Variants in ZNF407 observed in about 807,000 individuals in gnomAD.
ZNF407 encodes the protein zinc finger protein 407.
ZNF407 carries 17 observed loss-of-function variants against 131.2 expected under a neutral mutation model. That is an observed-to-expected ratio of 0.13 (90% CI 0.09 to 0.19). ZNF407 has a LOEUF of 0.19. ZNF407 is among the 10% of genes least tolerant of loss of function. The pLI, the probability that ZNF407 is intolerant of heterozygous loss-of-function variation, is 1.00. For synonymous variants in ZNF407, 1,156 were observed against 1,062.0 expected (o/e 1.09, Z -1.72); for missense variants, 2,681 against 2,830.6 (o/e 0.95, Z 1.20).
intron 3 of ZNF407, among the ~76,000 whole-genome samples, chr18:74,738,941 T>G (rs115304668): frequency 0.011 from 1,673 of 152,242 alleles, 27 homozygotes; most frequent in African/African-American, 0.036. Context: ...TATATGAAAT[T>G]TTATTAATGT....
At chr18:74,779,435 G>A (rs1969554189) in intron 3 of ZNF407, among the ~76,000 whole-genome samples, 1 of 151,842 alleles carries the variant, frequency 6.6e-6, no homozygotes, top group Non-Finnish European at 1.5e-5. Flanking sequence ...TTTTTTAACC[G>A]AGGATGATTT....
intron 3 of ZNF407, among the ~76,000 whole-genome samples, chr18:74,750,874 C>T (rs1169471141): frequency 2.0e-5 from 3 of 152,000 alleles, no homozygotes; most frequent in Admixed American, 2.0e-4. Context: ...TTATAGCTCA[C>T]CTGATGTGTT....
intron 1 of ZNF407, among the ~76,000 whole-genome samples, chr18:74,620,297 A>C (rs1019444345): frequency 1.3e-5 from 2 of 152,194 alleles, no homozygotes; most frequent in African/African-American, 4.8e-5. Context: ...CTGATTTTGC[A>C]GGCCAAATTT....
In ZNF407 at chr18:75,063,421, C is replaced by G. The variant is rs745332751; in HGVS notation, c.5700C>G (p.Ala1900=). The change falls in exon 9 of 9, where the codon GCC becomes GCG. Residue 1900 remains alanine (A), a synonymous_variant. Coordinates refer to ENST00000299687, the MANE Select transcript of ZNF407 (RefSeq NM_017757.3). This position sits in a 1 kb window ranked among gnomAD's most constrained non-coding sequence, Gnocchi z 6.6. ...CGCTGGCCATGGCCGGCCAGGTGGC[C>G]CGGGTGGTGCATATCACGGAGGATG... ...LQTLAMAGQV[A]RVVHITEDGQ... is the part of the protein sequence containing the mutation. The G allele has an allele frequency of 3.7e-6, 6 of 1,610,030 alleles. No homozygotes were observed. The highest frequency in any genetic ancestry group is 5.1e-6 in the Non-Finnish European group (6 of 1,178,786).
chr18:74,737,188 A>C (rs1316159754), intron 3 of ZNF407, among the ~76,000 whole-genome samples: 2 of 152,172 alleles, frequency 1.3e-5, no homozygotes, highest in Non-Finnish European at 2.9e-5. Flanking sequence ...AGAATGTTGG[A>C]GGCATTTTTG....
intron 3 of ZNF407, among the ~76,000 whole-genome samples, chr18:74,687,957 A>G (rs1967133310): frequency 6.6e-6 from 1 of 152,172 alleles, no homozygotes; most frequent in Non-Finnish European, 1.5e-5. Flanking sequence ...AATATATATT[A>G]TTCTGAATTA....
At chr18:74,905,041 C>A (rs1971577207) in intron 7 of ZNF407, among the ~76,000 whole-genome samples, 3 of 152,142 alleles carry the variant, frequency 2.0e-5, no homozygotes, top group African/African-American at 4.8e-5. Flanking sequence ...TTCTTTTATG[C>A]AGTACAGCAC....
intron 1 of ZNF407, among the ~76,000 whole-genome samples, chr18:74,614,672 A>G (rs62097593): frequency 0.15 from 22,635 of 152,200 alleles, 2,007 homozygotes; most frequent in African/African-American, 0.23. Context: ...CTTAATCAGA[A>G]TCTTTGACGA....
At chr18:74,953,746 C>A (rs1011355286) in intron 8 of ZNF407, among the ~76,000 whole-genome samples, 10 of 152,224 alleles carry the variant, frequency 6.6e-5, no homozygotes, top group Admixed American at 4.6e-4. Flanking sequence ...ATGACCACAG[C>A]GTATACCACT....
chr18:74,652,952 G>A (rs1187778766), intron 3 of ZNF407, among the ~76,000 whole-genome samples: 1 of 151,968 alleles, frequency 6.6e-6, no homozygotes, highest in African/African-American at 2.4e-5. Context: ...AAACAAGGGA[G>A]GTTATTAGCA....
intron 4 of ZNF407, among the ~76,000 whole-genome samples, chr18:74,817,732 T>G (rs925651954): frequency 6.6e-6 from 1 of 152,184 alleles, no homozygotes; most frequent in Non-Finnish European, 1.5e-5. Flanking sequence ...CGTGTATAAT[T>G]GATCTTAACC....
intron 4 of ZNF407, among the ~76,000 whole-genome samples, chr18:74,798,167 A>G (rs947140579): frequency 6.6e-6 from 1 of 151,554 alleles, no homozygotes; most frequent in African/African-American, 2.4e-5. Context: ...AACAGTAAAA[A>G]TGAAAGGTTT....
rs1568316784 is a variant in ZNF407, at chr18:75,063,773, G to A, written c.6052G>A (p.Asp2018Asn). ...GGAGCAAGGCAGGCCCGGCGCCAAA[G>A]ACGTGCTGATCCAGCTGCCCGGGCA... is the stretch of plus-strand genomic sequence containing the variant. Reference protein sequence around the residue: ...LEEQGRPGAKDVLIQLPGQEV... With the variant: ...LEEQGRPGAKNVLIQLPGQEV... Residue 2018 changes from aspartate to asparagine, a missense_variant, in exon 9 of 9, where the codon GAC becomes AAC. Asp to Asn is a conservative substitution (Grantham distance 23). Around this residue, in one of 6 missense-constraint regions of ZNF407, gnomAD observed 620 missense variants for 583.1 expected, o/e 1.06. Transcript: ENST00000299687. The surrounding 1 kb of genome is among the most constrained non-coding windows in gnomAD (Gnocchi z 6.6). The A allele has an allele frequency of 2.5e-6, 4 of 1,610,810 alleles. No individual in the cohort carries two copies. Among genetic ancestry groups the A allele is most frequent in the Non-Finnish European group, 3.4e-6 (4 of 1,179,804 alleles).
At chr18:74,751,237 C>A (rs890637070) in intron 3 of ZNF407, among the ~76,000 whole-genome samples, 2 of 152,080 alleles carry the variant, frequency 1.3e-5, no homozygotes, top group African/African-American at 4.8e-5. Flanking sequence ...GCTTTTTACC[C>A]CTTACATTGG....
In ZNF407 at chr18:74,780,133, A is replaced by G. The variant is rs553725031; in HGVS notation, c.4803-1295A>G. ...TATAGTTGTAAAGTGTGTATTGTCC[A>G]TAGTTGTTATTACCTAATATTTAAG... On this transcript the variant is annotated intron_variant, in intron 3 of 8. Coordinates refer to ENST00000299687, the MANE Select transcript of ZNF407 (RefSeq NM_017757.3). 1.9e-4 allele frequency among the ~76,000 whole-genome samples: 29 copies of G among 152,168 alleles called. No individual in the cohort carries two copies. The South Asian group carries it at 5.2e-3, about 27-fold the overall frequency.
At chr18:74,724,962 A>G (rs547630829) in intron 3 of ZNF407, among the ~76,000 whole-genome samples, 2 of 152,182 alleles carry the variant, frequency 1.3e-5, no homozygotes, top group South Asian at 4.1e-4. Flanking sequence ...TGAGGCTTCA[A>G]CCTTTCAAGC....
chr18:74,631,349 A>C lies in ZNF407; in HGVS notation c.330A>C (p.Glu110Asp). The change falls in exon 2 of 9, where the codon GAA becomes GAC. Residue 110 changes from glutamate to aspartate, a missense_variant. Transcript: ENST00000299687. ...CAGAAGGGGGTATTGCATTAGATGAAACAGGGAAGGAGACCTTTCTGAGTG... is the reference window on the plus strand; with the variant it reads ...CAGAAGGGGGTATTGCATTAGATGACACAGGGAAGGAGACCTTTCTGAGTG... ...SVTEGGIALD[E>D]TGKETFLSDC... The C allele has an allele frequency of 1.2e-6, 2 of 1,614,008 alleles. No individual in the cohort carries two copies. Among genetic ancestry groups the C allele is most frequent in the Non-Finnish European group, 1.7e-6 (2 of 1,179,892 alleles).
chr18:74,935,597 A>C (rs1972030723), intron 8 of ZNF407, among the ~76,000 whole-genome samples: 1 of 152,170 alleles, frequency 6.6e-6, no homozygotes, highest in South Asian at 2.1e-4. Context: ...ACGGGGTGGC[A>C]ATGTGGCCGC....
intron 3 of ZNF407, among the ~76,000 whole-genome samples, chr18:74,750,549 C>T (rs1968776980): frequency 6.6e-6 from 1 of 152,156 alleles, no homozygotes; most frequent in Admixed American, 6.5e-5. Context: ...ATCAGTGCTT[C>T]CTTCTTGTGG....
Sources: allele counts gnomAD v4.1 joint callset (sites outside exome capture counted in the v4.1 genomes callset), GRCh38; gene constraint gnomAD v4.1.1; regional missense constraint gnomAD v4.1.1; non-coding constraint Gnocchi (gnomAD v3.1); transcripts MANE v1.5; gene names NCBI Gene and HGNC (gene_info 2026-07-23, HGNC 2026-07-21).